The following FHOD3 variants were observed in gnomAD, a reference collection of about 807,000 sequenced individuals.
FHOD3 encodes formin homology 2 domain containing 3.
A neutral mutation model predicts 173.0 loss-of-function variants in FHOD3; 90 were observed. That is an observed-to-expected ratio of 0.52 (90% CI 0.44 to 0.62). The LOEUF (loss-of-function observed/expected upper bound fraction) is 0.62, where lower values mean the gene tolerates loss of function less well. Among genes scored for constraint, FHOD3 ranks in the 20% least tolerant of loss-of-function variants. The pLI, the probability that FHOD3 is intolerant of heterozygous loss-of-function variation, is 0.00. For missense variants in FHOD3, 1,945 were observed against 2,034.7 expected (o/e 0.96, Z 0.85); for synonymous variants, 828 against 823.0 (o/e 1.01, Z -0.10).
At chr18:36,581,299 A>G (rs2058842231) in intron 6 of FHOD3, among the ~76,000 whole-genome samples, 1 of 152,172 alleles carries the variant, frequency 6.6e-6, no homozygotes, top group Admixed American at 6.5e-5. Context: ...GAGTAAGATG[A>G]TTCAGTCTAT....
chr18:36,441,328 G>A (rs779146826), intron 3 of FHOD3, among the ~76,000 whole-genome samples: 1 of 152,212 alleles, frequency 6.6e-6, no homozygotes, highest in Admixed American at 6.5e-5. Flanking sequence ...CATGAACCCT[G>A]CTTTCTGAGG....
intron 20 of FHOD3, among the ~76,000 whole-genome samples, chr18:36,731,588 T>G (rs2041361633): frequency 6.6e-6 from 1 of 152,236 alleles, no homozygotes; most frequent in South Asian, 2.1e-4. Flanking sequence ...TAACCCATCC[T>G]CCTATTGGCA....
intron 5 of FHOD3, among the ~76,000 whole-genome samples, chr18:36,547,426 G>A (rs2057455745): frequency 6.6e-6 from 1 of 152,044 alleles, no homozygotes. Flanking sequence ...ATTTGTCACA[G>A]GTTAAACCAT....
chr18:36,316,826 A>G (rs1206535462), intron 1 of FHOD3, among the ~76,000 whole-genome samples: 1 of 152,010 alleles, frequency 6.6e-6, no homozygotes, highest in Non-Finnish European at 1.5e-5. Context: ...GCACCCATCA[A>G]CTCATCATTT....
intron 15 of FHOD3, among the ~76,000 whole-genome samples, chr18:36,683,601 T>C (rs2038400347): frequency 6.6e-6 from 1 of 152,192 alleles, no homozygotes; most frequent in South Asian, 2.1e-4. Context: ...AACCTAGAAG[T>C]GTATGTCAAA....
At chr18:36,772,977 A>C (rs1365420230) in intron 28 of FHOD3, among the ~76,000 whole-genome samples, 1 of 152,262 alleles carries the variant, frequency 6.6e-6, no homozygotes, top group African/African-American at 2.4e-5. Context: ...GAGGATAAAC[A>C]GAACAAGTCC....
At chr18:36,457,056 C>T (rs1404345219) in intron 3 of FHOD3, among the ~76,000 whole-genome samples, 2 of 151,910 alleles carry the variant, frequency 1.3e-5, no homozygotes, top group African/African-American at 4.8e-5. Flanking sequence ...CAGTCAGGTT[C>T]CAGCAGGTGG....
chr18:36,368,787 A>G (rs1438484205), intron 2 of FHOD3, among the ~76,000 whole-genome samples: 1 of 152,152 alleles, frequency 6.6e-6, no homozygotes, highest in Non-Finnish European at 1.5e-5. Flanking sequence ...GGCAGGTGAG[A>G]GTGAGTGAGA....
chr18:36,622,971 A>T (rs994909651), intron 9 of FHOD3, among the ~76,000 whole-genome samples: 6 of 152,350 alleles, frequency 3.9e-5, no homozygotes, highest in Admixed American at 3.3e-4. Context: ...GCCAAGCATG[A>T]GGCTACCCTT....
At chr18:36,444,222 AT>A (rs553481970) in intron 3 of FHOD3, among the ~76,000 whole-genome samples, 1 of 151,278 alleles carries the variant, frequency 6.6e-6, no homozygotes, top group African/African-American at 2.4e-5. Flanking sequence ...AGAATTGTAA[AT>A]TTTTTTCAAA....
intron 1 of FHOD3, among the ~76,000 whole-genome samples, chr18:36,326,244 C>T (rs1037839129): frequency 6.6e-6 from 1 of 152,218 alleles, no homozygotes; most frequent in Non-Finnish European, 1.5e-5. Flanking sequence ...CTGCCAGTGG[C>T]ATAATTAGGT....
At chr18:36,739,472 C>T (rs1054568994) in intron 20 of FHOD3, among the ~76,000 whole-genome samples, 2 of 152,196 alleles carry the variant, frequency 1.3e-5, no homozygotes, top group Admixed American at 6.5e-5. Context: ...TTTTGGGGCT[C>T]ACCTGTCCTG....
intron 5 of FHOD3, among the ~76,000 whole-genome samples, chr18:36,542,419 G>T (rs577245054): frequency 6.6e-6 from 1 of 151,938 alleles, no homozygotes; most frequent in East Asian, 1.9e-4. Context: ...AACAGTAGAT[G>T]GCCTTTTAAT....
At chr18:36,750,086 A>G (rs578039344) in intron 24 of FHOD3, among the ~76,000 whole-genome samples, 3 of 152,246 alleles carry the variant, frequency 2.0e-5, no homozygotes, top group Non-Finnish European at 2.9e-5. Context: ...TCAGGAGATC[A>G]AGATCATCCT....
intron 3 of FHOD3, among the ~76,000 whole-genome samples, chr18:36,440,084 G>C (rs779730000): frequency 1.4e-4 from 22 of 152,150 alleles, no homozygotes; most frequent in Non-Finnish European, 2.2e-4. Flanking sequence ...GACTCTTCTA[G>C]GGATCCTGTT....
intron 1 of FHOD3, among the ~76,000 whole-genome samples, chr18:36,323,663 T>A (rs2044517756): frequency 6.6e-6 from 1 of 152,206 alleles, no homozygotes; most frequent in Admixed American, 6.5e-5. Context: ...GAGCAGGAAG[T>A]AAAGCACTCC....
intron 9 of FHOD3, among the ~76,000 whole-genome samples, chr18:36,622,413 A>G (rs2033787456): frequency 6.6e-6 from 1 of 152,200 alleles, no homozygotes; most frequent in African/African-American, 2.4e-5. Context: ...GACTGGTAGA[A>G]GTGGTTACAG....
At chr18:36,382,188 T>G (rs948796468) in intron 3 of FHOD3, among the ~76,000 whole-genome samples, 1 of 152,094 alleles carries the variant, frequency 6.6e-6, no homozygotes, top group African/African-American at 2.4e-5. Context: ...TTTTGGGGAA[T>G]GGGGTGGGAT....
intron 7 of FHOD3, 58 bp downstream of exon 7, chr18:36,594,956 T>G: frequency 9.0e-7 from 1 of 1,110,896 alleles, no homozygotes; most frequent in South Asian, 1.4e-5. Flanking sequence ...GTAGGGAGGC[T>G]TCTGTGTTGT....
Sources: allele counts gnomAD v4.1 joint callset (sites outside exome capture counted in the v4.1 genomes callset), GRCh38; gene constraint gnomAD v4.1.1; transcripts MANE v1.5; gene names NCBI Gene and HGNC (gene_info 2026-07-23, HGNC 2026-07-21).